Variants in JAKMIP1 observed in about 807,000 individuals in gnomAD.
JAKMIP1 encodes janus kinase and microtubule interacting protein 1, also known as janus kinase and microtubule-interacting protein 1.
Under a neutral mutation model 113.0 loss-of-function variants are expected in JAKMIP1, and 33 were observed. The observed-to-expected ratio is 0.29, with a 90% CI of 0.22 to 0.39. JAKMIP1 has a LOEUF of 0.39. Among genes scored for constraint, JAKMIP1 ranks in the 10% least tolerant of loss-of-function variants. The pLI is 1.00. For missense variants in JAKMIP1, 813 were observed against 1,080.5 expected, an observed-to-expected ratio of 0.75 and a Z score of 3.47; for synonymous variants, 480 against 459.9, an observed-to-expected ratio of 1.04 and a Z score of -0.56.
At chr4:6,191,062 G>A (rs1560352942) in intron 1 of JAKMIP1, among the ~76,000 whole-genome samples, 2 of 152,186 alleles carry the variant, frequency 1.3e-5, no homozygotes, top group South Asian at 2.1e-4. Context: ...GAAAATGAAC[G>A]TGAGGTTGGA....
In JAKMIP1 at chr4:6,186,758, T is replaced by C. The variant is rs1456416888; in HGVS notation, c.-148+13495A>G. Among the ~76,000 whole-genome samples, 2 of 152,226 alleles carry C rather than the reference T, an allele frequency of 1.3e-5. No homozygotes were observed. The highest frequency in any genetic ancestry group is 2.4e-5 in the African/African-American group (1 of 41,470). On this transcript the variant is annotated intron_variant, in intron 1 of 20. Transcript: ENST00000409021. The surrounding 1 kb of genome is among the most constrained non-coding windows in gnomAD (Gnocchi z 5.5). ...TCCTGTAGAGTTGTTCTATCTGTTA[T>C]TGAAAGTGGGTGTTGACATATTCAA...
chr4:6,094,176 A>C lies in JAKMIP1; in HGVS notation c.625-8547T>G, dbSNP rs1722490971. 6.6e-6 allele frequency among the ~76,000 whole-genome samples: 1 copy of C among 152,170 alleles called. No individual in the cohort carries two copies. Among genetic ancestry groups the C allele is most frequent in the Non-Finnish European group, 1.5e-5 (1 of 68,016 alleles). On this transcript the variant is annotated intron_variant, in intron 3 of 20. Transcript: ENST00000409021. The surrounding 1 kb of genome is among the most constrained non-coding windows in gnomAD (Gnocchi z 4.2). ...CAGTTCATGAGTTTTAAAAACAACC[A>C]TTATGGTTTTATAAAAGCATAAAAT...
intron 3 of JAKMIP1, among the ~76,000 whole-genome samples, chr4:6,091,197 C>G (rs1560170015): frequency 6.6e-6 from 1 of 152,160 alleles, no homozygotes. Flanking sequence ...ACTCCTTCTC[C>G]TAAGTGGACC....
rs890407669 is a variant in JAKMIP1 at position 6,184,573 on chromosome 4, C to T, written c.-148+15680G>A. ...CAGTGTGGGATGGGTGCTATATGGA[C>T]GGGAAGAGCTGCTGTCTGCACTCTA... On this transcript the variant is annotated intron_variant, in intron 1 of 20. Transcript: ENST00000409021. The surrounding 1 kb of genome is among the most constrained non-coding windows in gnomAD (Gnocchi z 4.5). 4.6e-5 allele frequency among the ~76,000 whole-genome samples: 7 copies of T among 152,162 alleles called. No individual in the cohort carries two copies. Among genetic ancestry groups the T allele is most frequent in the African/African-American group, 7.2e-5 (3 of 41,440 alleles).
In JAKMIP1 at chr4:6,061,725, G is replaced by C. The variant is rs957510650; in HGVS notation, c.1560+587C>G. On this transcript the variant is annotated intron_variant, in intron 10 of 20. Coordinates refer to ENST00000409021, the MANE Select transcript of JAKMIP1 (RefSeq NM_001099433.2). This position sits in a 1 kb window ranked among gnomAD's most constrained non-coding sequence, Gnocchi z 5.3. ...GGGATGCAGGGAAGCACCCGTGTGT[G>C]CTCTCCGGGAGTCCTCCACACTCCC... 6.6e-6 allele frequency among the ~76,000 whole-genome samples: 1 copy of C among 152,202 alleles called. No homozygotes were observed. The highest frequency in any genetic ancestry group is 1.5e-5 in the Non-Finnish European group (1 of 68,034).
rs1322219447 is a variant in JAKMIP1, at chr4:6,136,878, A to G, written c.-147-23881T>C. Among the ~76,000 whole-genome samples the G allele has an allele frequency of 2.6e-5, 4 of 152,184 alleles. No individual in the cohort carries two copies. Among genetic ancestry groups the G allele is most frequent in the Admixed American group, 6.5e-5 (1 of 15,280 alleles). The stretch of plus-strand genomic sequence containing the variant: ...CGGCACTACCCATCACATAACAGGC[A>G]TTTAGACACAGTTGCGTTGAAGTTT... On this transcript the variant is annotated intron_variant, in intron 1 of 20. Coordinates refer to ENST00000409021, the MANE Select transcript of JAKMIP1 (RefSeq NM_001099433.2). The surrounding 1 kb of genome is among the most constrained non-coding windows in gnomAD (Gnocchi z 5.9).
At chr4:6,098,544 GAAAA>G (rs879801063) in intron 3 of JAKMIP1, among the ~76,000 whole-genome samples, 5 of 51,676 alleles carry the variant, frequency 9.7e-5, no homozygotes, top group South Asian at 9.5e-4. Context: ...GAGAGAGAAA[GAAAA>G]AGAAAGAAAG....
chr4:6,118,714 C>T (rs981099850), intron 1 of JAKMIP1, among the ~76,000 whole-genome samples: 1 of 151,986 alleles, frequency 6.6e-6, no homozygotes, highest in African/African-American at 2.4e-5. Flanking sequence ...AGGACTGGGA[C>T]CCTGGACTGA....
chr4:6,032,229 A>G (rs1335897169), intron 19 of JAKMIP1, among the ~76,000 whole-genome samples: 1 of 152,236 alleles, frequency 6.6e-6, no homozygotes, highest in Non-Finnish European at 1.5e-5. Flanking sequence ...GTCTGGCTTT[A>G]CAGCTTCCAA....
chr4:6,169,709 G>A (rs1227492165), intron 1 of JAKMIP1, among the ~76,000 whole-genome samples: 1 of 151,282 alleles, frequency 6.6e-6, no homozygotes, highest in African/African-American at 2.4e-5. Context: ...CTTAGTGCAG[G>A]TCCTGAAGCC....
At chr4:6,078,084 G>T (rs992357453) in intron 8 of JAKMIP1, among the ~76,000 whole-genome samples, 2 of 152,022 alleles carry the variant, frequency 1.3e-5, no homozygotes, top group Non-Finnish European at 2.9e-5. Context: ...TAAACCAAAC[G>T]GGGCACTTGT....
At position 6,035,967 on chromosome 4, in the gene JAKMIP1, C is replaced by T; in HGVS notation, c.2316G>A (p.Gln772=). 1 of 1,551,518 alleles carries T rather than the reference C, an allele frequency of 6.4e-7. No individual in the cohort carries two copies. The highest frequency in any genetic ancestry group is 8.7e-7 in the Non-Finnish European group (1 of 1,146,980). ...GGATCTGGCTGTCGAACTCGCGGCT[C>T]TGCCTGAGGATCTGCCTGCGCACCT... ...VEKVRRQILR[Q]SREFDSQILR... Residue 772 remains glutamine, a synonymous_variant, in exon 19 of 21, where the codon CAG becomes CAA. Transcript: ENST00000409021.
At position 6,076,777 on chromosome 4, in the gene JAKMIP1, T is replaced by C. The variant is rs1366118184; in HGVS notation, c.1302+2162A>G. ...TGGGGATGGGACCCAAGTCTAAACATGAAATTCATTTGTTTCATATACACT... is the reference window on the plus strand; with the variant it reads ...TGGGGATGGGACCCAAGTCTAAACACGAAATTCATTTGTTTCATATACACT... On this transcript the variant is annotated intron_variant, in intron 8 of 20. Coordinates refer to ENST00000409021, the MANE Select transcript of JAKMIP1 (RefSeq NM_001099433.2). The surrounding 1 kb of genome is among the most constrained non-coding windows in gnomAD (Gnocchi z 4.8). 6.6e-6 allele frequency among the ~76,000 whole-genome samples: 1 copy of C among 152,220 alleles called. No individual in the cohort carries two copies. The highest frequency in any genetic ancestry group is 1.5e-5 in the Non-Finnish European group (1 of 68,044).
intron 1 of JAKMIP1, among the ~76,000 whole-genome samples, chr4:6,126,617 C>CACACACACCATGCAGAA (rs1717697341): frequency 1.1e-5 from 1 of 90,178 alleles, no homozygotes; most frequent in Non-Finnish European, 2.9e-5. Context: ...CATGCAGAAA[C>CACACACACCATGCAGAA]ACACACACAC....
At position 6,031,225 on chromosome 4, in the gene JAKMIP1, G is replaced by C. The variant is rs1341525709; in HGVS notation, c.2380-1444C>G. On this transcript the variant is annotated intron_variant, in intron 19 of 20. Coordinates refer to ENST00000409021, the MANE Select transcript of JAKMIP1 (RefSeq NM_001099433.2). This position sits in a 1 kb window ranked among gnomAD's most constrained non-coding sequence, Gnocchi z 4.4. ...AGGCAGGTGGATCACCGGAGGTCAG[G>C]AGTTCAAGACCAGCCTGACCAACAT... is the stretch of plus-strand genomic sequence containing the variant. Among the ~76,000 whole-genome samples, 1 of 152,166 alleles carries C rather than the reference G, an allele frequency of 6.6e-6. No homozygotes were observed. Among genetic ancestry groups the C allele is most frequent in the Non-Finnish European group, 1.5e-5 (1 of 68,034 alleles).
intron 1 of JAKMIP1, among the ~76,000 whole-genome samples, chr4:6,132,655 A>AT (rs75858162): frequency 2.7e-5 from 2 of 73,806 alleles, no homozygotes; most frequent in South Asian, 6.6e-4. Context: ...AATAAAAAAA[A>AT]AAAAAAAGAA....
rs200917014 is a variant in JAKMIP1 at position 6,077,664 on chromosome 4, TG to T, written c.1302+1274del. The stretch of plus-strand genomic sequence containing the variant: ...CATCCAGCTAATTTTTTTAATTTTT[TG>T]TAGAGACAGGGTCTTGCTATGTTGC... On this transcript the variant is annotated intron_variant, in intron 8 of 20. Coordinates refer to ENST00000409021, the MANE Select transcript of JAKMIP1 (RefSeq NM_001099433.2). Among the ~76,000 whole-genome samples, 11 of 151,834 alleles carry T rather than the reference TG, an allele frequency of 7.2e-5. No homozygotes were observed. The East Asian group carries it at 2.1e-3, about 29-fold the overall frequency.
Position 6,136,894 on chromosome 4 carries a change from G to A in JAKMIP1, c.-147-23897C>T, listed in dbSNP as rs943474399. On this transcript the variant is annotated intron_variant, in intron 1 of 20. Coordinates refer to ENST00000409021, the MANE Select transcript of JAKMIP1 (RefSeq NM_001099433.2). This position sits in a 1 kb window ranked among gnomAD's most constrained non-coding sequence, Gnocchi z 5.9. ...ATAACAGGCATTTAGACACAGTTGC[G>A]TTGAAGTTTGGCAAGCGCATGGGAT... 4.6e-5 allele frequency among the ~76,000 whole-genome samples: 7 copies of A among 152,154 alleles called. No individual in the cohort carries two copies. The highest frequency in any genetic ancestry group is 1.4e-4 in the African/African-American group (6 of 41,426).
At chr4:6,172,867 A>C (rs1724903146) in intron 1 of JAKMIP1, among the ~76,000 whole-genome samples, 1 of 152,112 alleles carries the variant, frequency 6.6e-6, no homozygotes, top group Admixed American at 6.5e-5. Flanking sequence ...TCGAGTGCAG[A>C]GGGTGAAACA....
Sources: gnomAD v4.1 joint callset for allele counts (sites outside exome capture counted in the v4.1 genomes callset) on GRCh38, gnomAD v4.1.1 for gene constraint, Gnocchi (gnomAD v3.1) non-coding constraint, MANE v1.5 for transcripts, NCBI Gene and HGNC (gene_info 2026-07-23, HGNC 2026-07-21) for gene names.